The following EFNA3 variants were observed in gnomAD, a reference collection of about 807,000 sequenced individuals.
EFNA3 encodes the protein ephrin A3, also known as ephrin-A3.
EFNA3 carries 15 observed loss-of-function variants against 25.0 expected under a neutral mutation model. The ratio of observed to expected loss-of-function variants is 0.60; its 90% CI spans 0.40 to 0.92. The LOEUF (loss-of-function observed/expected upper bound fraction) is 0.92. EFNA3 is among the 40% of genes least tolerant of loss of function. The pLI is 0.00. For synonymous variants in EFNA3, 153 were observed against 145.6 expected, an observed-to-expected ratio of 1.05 and a Z score of -0.37; for missense variants, 298 against 323.8, an observed-to-expected ratio of 0.92 and a Z score of 0.61.
Position 155,085,240 on chromosome 1 carries a change from G to A in EFNA3, c.278G>A (p.Arg93His). 1 of 1,612,900 alleles carries A rather than the reference G, an allele frequency of 6.2e-7. No homozygotes were observed. The highest frequency in any genetic ancestry group is 8.5e-7 in the Non-Finnish European group (1 of 1,179,716). The change falls in exon 2 of 5, where the codon CGC becomes CAC. Residue 93 changes from arginine (R) to histidine (H), a missense_variant. Arg to His is a conservative substitution (Grantham distance 29, BLOSUM62 0). Coordinates refer to ENST00000368408, the MANE Select transcript of EFNA3 (RefSeq NM_004952.5). The surrounding 1 kb of genome is among the most constrained non-coding windows in gnomAD (Gnocchi z 4.4). ...AEQYVLYMVSRNGYRTCNASQ... is the reference protein window; with the variant it reads ...AEQYVLYMVSHNGYRTCNASQ... ...CAGTACGTGCTGTACATGGTGAGCC[G>A]CAACGGCTACCGCACCTGCAACGCC...
chr1:155,086,103 T>TCCCCCCC, intron 3 of EFNA3, 25 bp from the exon 4 acceptor site: 40 of 1,577,588 alleles, frequency 2.5e-5, no homozygotes, highest in Non-Finnish European at 3.3e-5. Flanking sequence ...CCCTCCTCTC[T>TCCCCCCC]CCCCACCCGC....
In EFNA3 at chr1:155,080,270, A is replaced by G. The variant is rs562269017; in HGVS notation, c.128+1201A>G. Among the ~76,000 whole-genome samples, 2 of 151,146 alleles carry G rather than the reference A, an allele frequency of 1.3e-5. No individual in the cohort carries two copies. Among genetic ancestry groups the G allele is most frequent in the South Asian group, 2.1e-4 (1 of 4,756 alleles). Reference sequence around the variant, plus strand: ...GAGGGCCGGGCGGCCGCGACCCCCAACCTCTCGGAGGAGGGGCTGCCGCTC... The same window carrying G: ...GAGGGCCGGGCGGCCGCGACCCCCAGCCTCTCGGAGGAGGGGCTGCCGCTC... On this transcript the variant is annotated intron_variant, in intron 1 of 4. Transcript: ENST00000368408. This position sits in a 1 kb window ranked among gnomAD's most constrained non-coding sequence, Gnocchi z 7.0.
rs181742057 is a variant in EFNA3, at chr1:155,085,414, G to A, written c.442+10G>A. The A allele has an allele frequency of 4.4e-3, 6,920 of 1,556,424 alleles. 24 individuals carry two copies. Among genetic ancestry groups the A allele is most frequent in the Non-Finnish European group, 5.3e-3 (6,078 of 1,145,420 alleles). Reference sequence around the variant, plus strand: ...GAGTACTACTACATCTGTGAGTGACGGCGGCCGGGCGGGCGGGTCTGAACG... The same window carrying A: ...GAGTACTACTACATCTGTGAGTGACAGCGGCCGGGCGGGCGGGTCTGAACG... On this transcript the variant is annotated intron_variant, in intron 2 of 4. Transcript: ENST00000368408. The surrounding 1 kb of genome is among the most constrained non-coding windows in gnomAD (Gnocchi z 4.4).
Position 155,085,525 on chromosome 1 carries a change from AC to A in EFNA3, c.442+123del. 1 of 1,261,668 alleles carries A rather than the reference AC, an allele frequency of 7.9e-7. No homozygotes were observed. The highest frequency in any genetic ancestry group is 1.1e-6 in the Non-Finnish European group (1 of 935,706). 78.2% of individuals were successfully genotyped at this position (1,261,668 alleles called of 1,614,324 possible). Reference sequence around the variant, plus strand: ...GCGGGCGCCAGGTCTCGCGGCTGAGACCAGGGAGGAGGCGTGGGCACGGGAC... The same window carrying A: ...GCGGGCGCCAGGTCTCGCGGCTGAGACAGGGAGGAGGCGTGGGCACGGGAC... On this transcript the variant is annotated intron_variant, in intron 2 of 4. Coordinates refer to ENST00000368408, the MANE Select transcript of EFNA3 (RefSeq NM_004952.5). The surrounding 1 kb of genome is among the most constrained non-coding windows in gnomAD (Gnocchi z 4.4).
rs958713332 is a variant in EFNA3, at chr1:155,086,755, C to T, written c.*212C>T. 1.6e-6 allele frequency: 1 copy of T among 614,976 alleles called. No homozygotes were observed. The highest frequency in any genetic ancestry group is 2.2e-5 in the South Asian group (1 of 44,686). 38.1% of individuals were successfully genotyped at this position (614,976 alleles called of 1,614,324 possible). On this transcript the variant is annotated 3_prime_UTR_variant, in exon 5 of 5. Coordinates refer to ENST00000368408, the MANE Select transcript of EFNA3 (RefSeq NM_004952.5). ...CAAGCACGGGGACAGCCATGGGTCC[C>T]GGGCGGCCTTGTGGCTCTGGTAATG... is the stretch of plus-strand genomic sequence containing the variant.
Position 155,085,429 on chromosome 1 carries a change from G to T in EFNA3, c.442+25G>T, listed in dbSNP as rs562777432. The T allele has an allele frequency of 1.7e-5, 26 of 1,531,340 alleles. 1 individual carries two copies. The African/African-American group carries it at 3.2e-4, about 19-fold the overall frequency. The allele number at this position is 1,531,340 out of a possible 1,614,324, so 94.9% of individuals were successfully genotyped here. A position where few individuals can be genotyped will look rare whatever the true frequency, so the allele number is the denominator to read the frequency against. Reference sequence around the variant, plus strand: ...TGTGAGTGACGGCGGCCGGGCGGGCGGGTCTGAACGCGAGAGTCTGAGTGA... The same window carrying T: ...TGTGAGTGACGGCGGCCGGGCGGGCTGGTCTGAACGCGAGAGTCTGAGTGA... On this transcript the variant is annotated intron_variant, in intron 2 of 4. Transcript: ENST00000368408. The surrounding 1 kb of genome is among the most constrained non-coding windows in gnomAD (Gnocchi z 4.4).
rs1323578363 is a variant in EFNA3 at position 155,079,949 on chromosome 1, G to T, written c.128+880G>T. 6.6e-6 allele frequency among the ~76,000 whole-genome samples: 1 copy of T among 152,046 alleles called. No individual in the cohort carries two copies. Among genetic ancestry groups the T allele is most frequent in the Non-Finnish European group, 1.5e-5 (1 of 67,976 alleles). On this transcript the variant is annotated intron_variant, in intron 1 of 4. Transcript: ENST00000368408. The surrounding 1 kb of genome is among the most constrained non-coding windows in gnomAD (Gnocchi z 7.7). Reference sequence around the variant, plus strand: ...CCGCCGCGGTCTGGGCGGGTGTCAGGGCGGCCGTGTGGTTTCCCGGGGTGT... The same window carrying T: ...CCGCCGCGGTCTGGGCGGGTGTCAGTGCGGCCGTGTGGTTTCCCGGGGTGT...
chr1:155,080,367 C>CT lies in EFNA3; in HGVS notation c.128+1299dup, dbSNP rs1473334486. On this transcript the variant is annotated intron_variant, in intron 1 of 4. Transcript: ENST00000368408. The surrounding 1 kb of genome is among the most constrained non-coding windows in gnomAD (Gnocchi z 7.0). Reference sequence around the variant, plus strand: ...CCCTCCTCGCGCCCGGAGTGTCAGACTGGGGGTGGGGATGAGCCAACGACG... The same window carrying CT: ...CCCTCCTCGCGCCCGGAGTGTCAGACTTGGGGGTGGGGATGAGCCAACGACG... 6.6e-6 allele frequency among the ~76,000 whole-genome samples: 1 copy of CT among 152,174 alleles called. No homozygotes were observed.
At chr1:155,086,282 G>T in intron 4 of EFNA3, 77 bp downstream of exon 4, 2 of 1,596,770 alleles carry the variant, frequency 1.3e-6, no homozygotes, top group Non-Finnish European at 1.7e-6. Context: ...CACCTCGCAT[G>T]CCTTCCCTGG....
intron 1 of EFNA3, among the ~76,000 whole-genome samples, chr1:155,083,816 C>T (rs943349782): frequency 6.6e-6 from 1 of 152,202 alleles, no homozygotes; most frequent in Admixed American, 6.5e-5. Flanking sequence ...ACTAGGGACC[C>T]CGTGGTATGA....
chr1:155,085,316 C>T lies in EFNA3; in HGVS notation c.354C>T (p.Ser118=). 6.2e-7 allele frequency: 1 copy of T among 1,613,118 alleles called. No individual in the cohort carries two copies. The highest frequency in any genetic ancestry group is 8.5e-7 in the Non-Finnish European group (1 of 1,179,574). The part of the protein sequence containing the change: ...WECNRPHAPH[S]PIKFSEKFQR... The stretch of plus-strand genomic sequence containing the variant: ...GCAACCGGCCGCACGCCCCGCACAG[C>T]CCCATCAAGTTCTCGGAGAAGTTCC... The change falls in exon 2 of 5, where the codon AGC becomes AGT. Residue 118 remains serine (S), a synonymous_variant. Transcript: ENST00000368408. The surrounding 1 kb of genome is among the most constrained non-coding windows in gnomAD (Gnocchi z 4.4).
Position 155,081,753 on chromosome 1 carries a change from TG to T in EFNA3, c.128+2685del, listed in dbSNP as rs1002609214. On this transcript the variant is annotated intron_variant, in intron 1 of 4. Transcript: ENST00000368408. This position sits in a 1 kb window ranked among gnomAD's most constrained non-coding sequence, Gnocchi z 5.2. ...GACTCTCGGTTCTCGTTCTCTTCCC[TG>T]CCTCTCTCGGTTTCTGCGTCTCTCT... is the stretch of plus-strand genomic sequence containing the variant. Among the ~76,000 whole-genome samples, 3 of 152,186 alleles carry T rather than the reference TG, an allele frequency of 2.0e-5. No homozygotes were observed. Among genetic ancestry groups the T allele is most frequent in the Non-Finnish European group, 4.4e-5 (3 of 68,034 alleles).
Position 155,085,998 on chromosome 1 carries a change from T to A in EFNA3, c.508+56T>A. 1 of 1,577,296 alleles carries A rather than the reference T, an allele frequency of 6.3e-7. No individual in the cohort carries two copies. Among genetic ancestry groups the A allele is most frequent in the Non-Finnish European group, 8.6e-7 (1 of 1,161,566 alleles). On this transcript the variant is annotated intron_variant, in intron 3 of 4. Coordinates refer to ENST00000368408, the MANE Select transcript of EFNA3 (RefSeq NM_004952.5). This position sits in a 1 kb window ranked among gnomAD's most constrained non-coding sequence, Gnocchi z 4.4. ...CATCCTCAGCTCCCTGCTTTGGGGCTCCCCTGGCTTCCTGGGGGTGGGGGC... is the reference window on the plus strand; with the variant it reads ...CATCCTCAGCTCCCTGCTTTGGGGCACCCCTGGCTTCCTGGGGGTGGGGGC...
rs776716842 is a variant in EFNA3, at chr1:155,080,129, C to A, written c.128+1060C>A. On this transcript the variant is annotated intron_variant, in intron 1 of 4. Coordinates refer to ENST00000368408, the MANE Select transcript of EFNA3 (RefSeq NM_004952.5). The surrounding 1 kb of genome is among the most constrained non-coding windows in gnomAD (Gnocchi z 7.0). ...GTTAGTAGGGGGAGATCCCTGGGGA[C>A]GCGGGGGTCACTGTCACACCTGCCC... Among the ~76,000 whole-genome samples, 1 of 152,114 alleles carries A rather than the reference C, an allele frequency of 6.6e-6. No homozygotes were observed. The highest frequency in any genetic ancestry group is 1.5e-5 in the Non-Finnish European group (1 of 67,990).
In EFNA3 at chr1:155,078,893, C is replaced by A. The variant is rs1013243315; in HGVS notation, c.-49C>A. ...GCAGGGAGCTGGGAAGCGGAGAAGC[C>A]GGGAGCGCGGGGCTCAGTCGGGGGG... On this transcript the variant is annotated 5_prime_UTR_variant, in exon 1 of 5. Transcript: ENST00000368408. 1.0e-5 allele frequency: 14 copies of A among 1,341,068 alleles called. No individual in the cohort carries two copies. The highest frequency in any genetic ancestry group is 3.1e-5 in the African/African-American group (2 of 64,356). 83.1% of individuals were successfully genotyped at this position (1,341,068 alleles called of 1,614,324 possible). A position where few individuals can be genotyped will look rare whatever the true frequency, so the allele number is the denominator to read the frequency against.
rs947022007 is a variant in EFNA3 at position 155,081,708 on chromosome 1, C to A, written c.128+2639C>A. Among the ~76,000 whole-genome samples the A allele has an allele frequency of 6.6e-6, 1 of 152,086 alleles. No homozygotes were observed. Among genetic ancestry groups the A allele is most frequent in the Non-Finnish European group, 1.5e-5 (1 of 68,008 alleles). Reference sequence around the variant, plus strand: ...CCGTCTGTGGGCCTCTCTGGCCTGCCTGTCTCTCCTGTTCTCCAAGACTCT... The same window carrying A: ...CCGTCTGTGGGCCTCTCTGGCCTGCATGTCTCTCCTGTTCTCCAAGACTCT... On this transcript the variant is annotated intron_variant, in intron 1 of 4. Coordinates refer to ENST00000368408, the MANE Select transcript of EFNA3 (RefSeq NM_004952.5). The surrounding 1 kb of genome is among the most constrained non-coding windows in gnomAD (Gnocchi z 5.2).
rs906633216 is a variant in EFNA3, at chr1:155,080,268, C to T, written c.128+1199C>T. ...GGGAGGGCCGGGCGGCCGCGACCCC[C>T]AACCTCTCGGAGGAGGGGCTGCCGC... On this transcript the variant is annotated intron_variant, in intron 1 of 4. Coordinates refer to ENST00000368408, the MANE Select transcript of EFNA3 (RefSeq NM_004952.5). The surrounding 1 kb of genome is among the most constrained non-coding windows in gnomAD (Gnocchi z 7.0). Among the ~76,000 whole-genome samples, 38 of 152,090 alleles carry T rather than the reference C, an allele frequency of 2.5e-4. No individual in the cohort carries two copies. Among genetic ancestry groups the T allele is most frequent in the Admixed American group, 2.5e-3 (38 of 15,288 alleles).
rs766775478 is a variant in EFNA3 at position 155,086,251 on chromosome 1, C to A, written c.586+46C>A. ...CTGGTGGCCACTGCTGGAACCGCAG[C>A]CCCCCGCCCCGGTGCCTGCTCACCT... On this transcript the variant is annotated intron_variant, in intron 4 of 4. Coordinates refer to ENST00000368408, the MANE Select transcript of EFNA3 (RefSeq NM_004952.5). 2.5e-6 allele frequency: 4 copies of A among 1,601,570 alleles called. No homozygotes were observed. The South Asian group carries it at 4.4e-5, about 18-fold the overall frequency.
rs572414638 is a variant in EFNA3, at chr1:155,079,205, G to A, written c.128+136G>A. ...TGGGGGCTGGGAGGGGACGGAGAGG[G>A]GGACGCACTCTGTGGGCGTCTAGGA... On this transcript the variant is annotated intron_variant, in intron 1 of 4. Coordinates refer to ENST00000368408, the MANE Select transcript of EFNA3 (RefSeq NM_004952.5). The surrounding 1 kb of genome is among the most constrained non-coding windows in gnomAD (Gnocchi z 7.7). 14 of 1,032,914 alleles carry A rather than the reference G, an allele frequency of 1.4e-5. No individual in the cohort carries two copies. The East Asian group carries it at 3.0e-4, about 22-fold the overall frequency. The allele number at this position is 1,032,914 out of a possible 1,614,324, so 64.0% of individuals were successfully genotyped here. A position where few individuals can be genotyped will look rare whatever the true frequency, so the allele number is the denominator to read the frequency against.
Sources: allele counts gnomAD v4.1 joint callset (sites outside exome capture counted in the v4.1 genomes callset), GRCh38; gene constraint gnomAD v4.1.1; non-coding constraint Gnocchi (gnomAD v3.1); transcripts MANE v1.5; gene names NCBI Gene and HGNC (gene_info 2026-07-23, HGNC 2026-07-21).